GHRHR: variants seen among roughly 807,000 people sequenced by gnomAD.
GHRHR encodes growth hormone-releasing hormone receptor.
Under a neutral mutation model 58.3 loss-of-function variants are expected in GHRHR, and 40 were observed. The observed-to-expected ratio is 0.69, with a 90% CI of 0.53 to 0.89. The LOEUF (loss-of-function observed/expected upper bound fraction) is 0.89, where lower values mean the gene tolerates loss of function less well. Among genes scored for constraint, GHRHR ranks in the 40% least tolerant of loss-of-function variants. The pLI is 0.00. For missense variants in GHRHR, 551 were observed against 541.3 expected (o/e 1.02, Z -0.18); for synonymous variants, 249 against 216.6 (o/e 1.15, Z -1.31).
chr7:30,974,247 G>A, intron 7 of GHRHR, 109 bp downstream of exon 7: 1 of 1,290,768 alleles, frequency 7.7e-7, no homozygotes, highest in East Asian at 2.3e-5. Flanking sequence ...GAGAAGGAGA[G>A]GGACAGGCCA....
At chr7:30,976,668 T>A in intron 11 of GHRHR, 110 bp downstream of exon 11, 1 of 894,380 alleles carries the variant, frequency 1.1e-6, no homozygotes. Flanking sequence ...ATGTTTTTCA[T>A]CCATCTATTC....
In GHRHR at chr7:30,971,957, C is replaced by G. The variant is rs766078508; in HGVS notation, c.465-6C>G. The G allele has an allele frequency of 1.9e-6, 3 of 1,613,652 alleles. No homozygotes were observed. Among genetic ancestry groups the G allele is most frequent in the Non-Finnish European group, 1.7e-6 (2 of 1,179,714 alleles). On this transcript the variant is annotated splice_polypyrimidine_tract_variant and splice_region_variant and intron_variant, in intron 5 of 12. Transcript: ENST00000326139. The stretch of plus-strand genomic sequence containing the variant: ...TCTTGTTCCTCATTTCTCCCATTAC[C>G]CCCAGGAGGCTCCACTGCCCCCGGA...
At chr7:30,973,635 G>A (rs896718847) in intron 6 of GHRHR, among the ~76,000 whole-genome samples, 5 of 152,182 alleles carry the variant, frequency 3.3e-5, no homozygotes, top group African/African-American at 1.2e-4. Context: ...AGGAAGGATG[G>A]GGGTAAGTGA....
chr7:30,977,372 C>A (rs775620101), intron 12 of GHRHR, 50 bp downstream of exon 12: 4 of 1,504,810 alleles, frequency 2.7e-6, no homozygotes, highest in Non-Finnish European at 1.9e-6. Context: ...CCCACCAGAC[C>A]TAAGGCCCCT....
chr7:30,975,974 T>C, intron 10 of GHRHR, 106 bp downstream of exon 10: 1 of 747,876 alleles, frequency 1.3e-6, no homozygotes. Flanking sequence ...CCATACTCTT[T>C]CTTCCCTATG....
Position 30,977,235 on chromosome 7 carries a change from C to G in GHRHR, c.1105-46C>G, listed in dbSNP as rs564483698. The G allele has an allele frequency of 1.9e-6, 3 of 1,588,456 alleles. No homozygotes were observed. The African/African-American group carries it at 4.0e-5, about 21-fold the overall frequency. On this transcript the variant is annotated intron_variant, in intron 11 of 12. Transcript: ENST00000326139. Reference sequence around the variant, plus strand: ...CAGAAAGACGGTGGACACCTTCAGGCCAGGCCAAAGGGTTCTGATGGGGTC... The same window carrying G: ...CAGAAAGACGGTGGACACCTTCAGGGCAGGCCAAAGGGTTCTGATGGGGTC...
intron 1 of GHRHR, among the ~76,000 whole-genome samples, chr7:30,965,728 G>A (rs931164125): frequency 6.6e-6 from 1 of 152,218 alleles, no homozygotes; most frequent in South Asian, 2.1e-4. Flanking sequence ...CAGGGTTGGG[G>A]CTTGCCAGAC....
chr7:30,971,199 CA>C lies in GHRHR; in HGVS notation c.448del (p.Ile150SerfsTer32). 6.8e-7 allele frequency: 1 copy of C among 1,480,424 alleles called. No homozygotes were observed. Among genetic ancestry groups the C allele is most frequent in the Non-Finnish European group, 9.3e-7 (1 of 1,079,180 alleles). 91.7% of individuals were successfully genotyped at this position (1,480,424 alleles called of 1,614,324 possible). A position where few individuals can be genotyped will look rare whatever the true frequency, so the allele number is the denominator to read the frequency against. ...SIVALFVAIT[I>X]LVALRRLHCP... ...TTGTAGCCCTCTTCGTGGCCATCAC[CA>C]TCCTGGTTGCTCTCAGGTTTGTCAT... On this transcript the variant is annotated frameshift_variant, in exon 5 of 13. Transcript: ENST00000326139. LOFTEE classifies it high-confidence loss of function.
At chr7:30,968,624 C>CCTTCCTTCCTTCCTT in intron 1 of GHRHR, among the ~76,000 whole-genome samples, 1 of 107,960 alleles carries the variant, frequency 9.3e-6, no homozygotes, top group African/African-American at 5.1e-5. Context: ...CTCCCTCCCT[C>CCTTCCTTCCTTCCTT]CCTCCCTCCC....
Position 30,971,121 on chromosome 7 carries a change from A to G in GHRHR, c.369A>G (p.Glu123=). ...PVPLELLAEE[E]SYFSTVKIIY... Reference sequence around the variant, plus strand: ...TCTTCTGTCTCTGCCCTTCCCAGGAATCTTACTTCTCCACAGTGAAGATTA... The same window carrying G: ...TCTTCTGTCTCTGCCCTTCCCAGGAGTCTTACTTCTCCACAGTGAAGATTA... Residue 123 remains glutamate, a splice_region_variant and synonymous_variant, in exon 5 of 13, where the codon GAA becomes GAG. Transcript: ENST00000326139. The G allele has an allele frequency of 2.1e-6, 3 of 1,400,556 alleles. No homozygotes were observed. Among genetic ancestry groups the G allele is most frequent in the Non-Finnish European group, 3.0e-6 (3 of 1,008,506 alleles). The allele number at this position is 1,400,556 out of a possible 1,614,324, so 86.8% of individuals were successfully genotyped here. A position where few individuals can be genotyped will look rare whatever the true frequency, so the allele number is the denominator to read the frequency against.
intron 1 of GHRHR, among the ~76,000 whole-genome samples, chr7:30,966,803 C>G (rs892251027): frequency 6.6e-6 from 1 of 152,142 alleles, no homozygotes; most frequent in East Asian, 1.9e-4. Flanking sequence ...TCATCACACC[C>G]AGCTAATTTT....
chr7:30,970,056 C>A (rs1209724059), intron 4 of GHRHR, 92 bp downstream of exon 4: 11 of 777,220 alleles, frequency 1.4e-5, no homozygotes, highest in Non-Finnish European at 9.6e-6. Flanking sequence ...CTCTAGCCTG[C>A]AGATTGGAAT....
chr7:30,972,605 A>G (rs3735427), intron 6 of GHRHR, among the ~76,000 whole-genome samples: 14,541 of 152,204 alleles, frequency 0.096, 1,575 homozygotes, highest in African/African-American at 0.27. Flanking sequence ...GAGATGGGGA[A>G]GGAGAACATT....
chr7:30,970,810 G>T (rs1792465873), intron 4 of GHRHR, among the ~76,000 whole-genome samples: 1 of 152,164 alleles, frequency 6.6e-6, no homozygotes, highest in Non-Finnish European at 1.5e-5. Flanking sequence ...TTCCTCTTGG[G>T]CTTTTGTCAT....
chr7:30,971,651 G>A (rs1349831781), intron 5 of GHRHR, among the ~76,000 whole-genome samples: 1 of 152,022 alleles, frequency 6.6e-6, no homozygotes, highest in Non-Finnish European at 1.5e-5. Flanking sequence ...ATGGGGATGA[G>A]TGTCTCTGAT....
At position 30,969,162 on chromosome 7, in the gene GHRHR, CAG is replaced by C; in HGVS notation, c.263_264del (p.Glu88ValfsTer15). 1 of 1,558,650 alleles carries C rather than the reference CAG, an allele frequency of 6.4e-7. No homozygotes were observed. The highest frequency in any genetic ancestry group is 8.7e-7 in the Non-Finnish European group (1 of 1,149,158). On this transcript the variant is annotated frameshift_variant, in exon 3 of 13. Coordinates refer to ENST00000326139, the MANE Select transcript of GHRHR (RefSeq NM_000823.4). LOFTEE classifies it high-confidence loss of function. ...CCGGATTTCTTCTCTCACTTCAGCT[CAG>C]AGTCAGGTGAGGGGTGCTGGGTGTG...
chr7:30,970,216 C>G (rs545442321), intron 4 of GHRHR, among the ~76,000 whole-genome samples: 4 of 152,306 alleles, frequency 2.6e-5, no homozygotes, highest in Admixed American at 2.0e-4. Flanking sequence ...CGGCTGCTGT[C>G]TTGGTTCTGT....
Position 30,969,072 on chromosome 7 carries a change from C to T in GHRHR, c.170C>T (p.Ala57Val), listed in dbSNP as rs752793580. The change falls in exon 3 of 13, where the codon GCG becomes GTG. Residue 57 changes from alanine (A) to valine (V), a missense_variant. Ala to Val is a moderately conservative substitution (Grantham distance 64, BLOSUM62 0). Transcript: ENST00000326139. ...CTGGCTCTCTATCCAGGCTGCCCTGCGACCTGGGATGGGCTGCTGTGCTGG... is the reference window on the plus strand; with the variant it reads ...CTGGCTCTCTATCCAGGCTGCCCTGTGACCTGGGATGGGCTGCTGTGCTGG... ...EMPNTTLGCP[A>V]TWDGLLCWPT... 4.3e-5 allele frequency: 68 copies of T among 1,579,106 alleles called. No homozygotes were observed. In the Admixed American group the frequency reaches 7.9e-4, roughly 18 times the overall value.
Position 30,977,274 on chromosome 7 carries a change from C to T in GHRHR, c.1105-7C>T, listed in dbSNP as rs1240877965. ...TCTGATGGGGTCTTTCTTCTTTGGACCCACAGGGCTTCATTGTTGCCATCC... is the reference window on the plus strand; with the variant it reads ...TCTGATGGGGTCTTTCTTCTTTGGATCCACAGGGCTTCATTGTTGCCATCC... On this transcript the variant is annotated splice_polypyrimidine_tract_variant and splice_region_variant and intron_variant, in intron 11 of 12. Transcript: ENST00000326139. 6.2e-7 allele frequency: 1 copy of T among 1,613,722 alleles called. No homozygotes were observed. Among genetic ancestry groups the T allele is most frequent in the Admixed American group, 1.7e-5 (1 of 60,028 alleles).
Sources: allele counts gnomAD v4.1 joint callset (sites outside exome capture counted in the v4.1 genomes callset), GRCh38; gene constraint gnomAD v4.1.1; transcripts MANE v1.5; gene names NCBI Gene and HGNC (gene_info 2026-07-23, HGNC 2026-07-21).